IDE: variants seen among roughly 807,000 people sequenced by gnomAD.
IDE encodes insulin degrading enzyme, also known as insulin-degrading enzyme.
Under a neutral mutation model 133.2 loss-of-function variants are expected in IDE, and 58 were observed. The observed-to-expected ratio is 0.44, with a 90% CI of 0.35 to 0.54. The LOEUF is 0.54. IDE is among the 20% of genes least tolerant of loss of function. The probability of loss-of-function intolerance (pLI) is 0.00; values close to 1 mark genes in which losing one functional copy is unlikely to be tolerated. For missense variants in IDE, 981 were observed against 1,234.0 expected (o/e 0.79, Z 3.07); for synonymous variants, 396 against 421.3 (o/e 0.94, Z 0.73).
chr10:92,506,475 C>T lies in IDE; in HGVS notation c.1293G>A (p.Arg431=), dbSNP rs1280901961. Residue 431 remains arginine, a synonymous_variant, in exon 10 of 25, where the codon CGG becomes CGA. Transcript: ENST00000265986. ...TTCCTGCAATCTTAGATGTATAGCC[C>T]CGTGGCCTCTCTTTGTCTTTAAACC... ...AFRFKDKERP[R]GYTSKIAGIL... is the part of the protein sequence containing the mutation. The T allele has an allele frequency of 6.3e-7, 1 of 1,595,974 alleles. No individual in the cohort carries two copies. The highest frequency in any genetic ancestry group is 1.1e-5 in the South Asian group (1 of 90,052).
At chr10:92,523,699 CT>C (rs1190011958) in intron 4 of IDE, among the ~76,000 whole-genome samples, 1 of 131,720 alleles carries the variant, frequency 7.6e-6, no homozygotes, top group Non-Finnish European at 1.6e-5. Flanking sequence ...AAGACTCAGT[CT>C]TAAAAAAAAA....
intron 18 of IDE, 61 bp downstream of exon 18, chr10:92,470,193 C>T: frequency 1.8e-6 from 2 of 1,118,924 alleles, no homozygotes; most frequent in Non-Finnish European, 2.6e-6. Flanking sequence ...TTGAGAAAGA[C>T]TAGAGGGAAA....
chr10:92,573,288 G>GAGA, intron 1 of IDE: 1 of 553,296 alleles, frequency 1.8e-6, no homozygotes, highest in Non-Finnish European at 2.3e-6. Flanking sequence ...TCGGAGCTCC[G>GAGA]GTTGTCTCCG....
chr10:92,471,140 T>C (rs1845941972), intron 17 of IDE, among the ~76,000 whole-genome samples: 1 of 152,226 alleles, frequency 6.6e-6, no homozygotes, highest in African/African-American at 2.4e-5. Context: ...TTATTGCCTG[T>C]AGCAATTATT....
Position 92,531,808 on chromosome 10 carries a change from G to A in IDE, c.601C>T (p.Leu201Phe). The change falls in exon 4 of 25, where the codon CTC (leucine) becomes TTC (phenylalanine). Residue 201 changes from leucine (L) to phenylalanine (F), a missense_variant. Around this residue, in one of 2 missense-constraint regions of IDE, gnomAD observed 321 missense variants for 339.3 expected, o/e 0.95. Coordinates refer to ENST00000265986, the MANE Select transcript of IDE (RefSeq NM_004969.4). ...CCTGTAGCTTTTTCCAATTGAAAGA[G>A]TCTCCAGGCATCATTCATCACATTC... is the stretch of plus-strand genomic sequence containing the variant. ...EKNVMNDAWR[L>F]FQLEKATGNP... The A allele has an allele frequency of 6.2e-7, 1 of 1,607,656 alleles. No homozygotes were observed. The highest frequency in any genetic ancestry group is 8.5e-7 in the Non-Finnish European group (1 of 1,175,998).
intron 11 of IDE, among the ~76,000 whole-genome samples, chr10:92,502,541 G>C (rs1848079367): frequency 6.6e-6 from 1 of 152,040 alleles, no homozygotes. Flanking sequence ...TTTTTGAAGG[G>C]GAAAGTAGAT....
At chr10:92,498,121 G>A (rs1847815159) in intron 11 of IDE, among the ~76,000 whole-genome samples, 1 of 152,160 alleles carries the variant, frequency 6.6e-6, no homozygotes, top group Non-Finnish European at 1.5e-5. Context: ...CAGATGAGCA[G>A]GGTTCAAGGA....
At chr10:92,498,395 G>A (rs1188618504) in intron 11 of IDE, among the ~76,000 whole-genome samples, 1 of 144,474 alleles carries the variant, frequency 6.9e-6, no homozygotes, top group Non-Finnish European at 1.5e-5. Flanking sequence ...GGACGGGGTG[G>A]GTGGATCACT....
At chr10:92,525,566 C>T (rs545318460) in intron 4 of IDE, among the ~76,000 whole-genome samples, 2 of 152,184 alleles carry the variant, frequency 1.3e-5, no homozygotes, top group African/African-American at 4.8e-5. Flanking sequence ...ACATAAAGGG[C>T]ATCCAAAATG....
chr10:92,478,686 C>T lies in IDE; in HGVS notation c.1884+591G>A, dbSNP rs1846423269. The T allele has an allele frequency of 2.3e-6, 3 of 1,277,432 alleles. No homozygotes were observed. In the South Asian group the frequency reaches 3.8e-5, roughly 16 times the overall value. 79.1% of individuals were successfully genotyped at this position (1,277,432 alleles called of 1,614,324 possible). A position where few individuals can be genotyped will look rare whatever the true frequency, so the allele number is the denominator to read the frequency against. ...CCTGATGCAATGCCATAGCTCAAACCTGAGAGGCGTGCTGCATATGTATAC... is the reference window on the plus strand; with the variant it reads ...CCTGATGCAATGCCATAGCTCAAACTTGAGAGGCGTGCTGCATATGTATAC... On this transcript the variant is annotated intron_variant, in intron 15 of 24. Coordinates refer to ENST00000265986, the MANE Select transcript of IDE (RefSeq NM_004969.4).
At chr10:92,552,344 G>T (rs1842822746) in intron 1 of IDE, among the ~76,000 whole-genome samples, 1 of 152,132 alleles carries the variant, frequency 6.6e-6, no homozygotes, top group East Asian at 1.9e-4. Context: ...GTTGGAAAAA[G>T]ATGTTATAAA....
intron 4 of IDE, among the ~76,000 whole-genome samples, chr10:92,529,569 T>C (rs1217383307): frequency 3.9e-5 from 6 of 152,138 alleles, no homozygotes; most frequent in African/African-American, 9.7e-5. Flanking sequence ...AACCCTTCTA[T>C]AGAATATTTT....
intron 13 of IDE, among the ~76,000 whole-genome samples, chr10:92,484,644 A>C (rs1389897556): frequency 6.6e-6 from 1 of 151,450 alleles, no homozygotes; most frequent in African/African-American, 2.4e-5. Context: ...GAGGCATGAG[A>C]ATAGCTTGAA....
intron 4 of IDE, among the ~76,000 whole-genome samples, chr10:92,526,295 T>G (rs994952252): frequency 6.6e-6 from 1 of 152,088 alleles, no homozygotes; most frequent in Admixed American, 6.6e-5. Context: ...AAAATGTCCA[T>G]ACTATCCAAA....
chr10:92,541,365 G>C, intron 1 of IDE: 1 of 469,884 alleles, frequency 2.1e-6, no homozygotes, highest in Non-Finnish European at 4.4e-6. Flanking sequence ...TCAACAGCTT[G>C]CCTGTCTCTG....
At chr10:92,490,656 A>G (rs945486515) in intron 11 of IDE, 61 bp from the exon 12 acceptor site, 4 of 988,466 alleles carry the variant, frequency 4.0e-6, no homozygotes, top group Admixed American at 2.0e-5. Flanking sequence ...TATGAATTTA[A>G]AGAACCTGAC....
intron 4 of IDE, among the ~76,000 whole-genome samples, chr10:92,530,068 G>A (rs1849831427): frequency 6.6e-6 from 1 of 151,764 alleles, no homozygotes; most frequent in African/African-American, 2.4e-5. Flanking sequence ...TCTACTAAAA[G>A]TACACAAATT....
intron 4 of IDE, among the ~76,000 whole-genome samples, chr10:92,523,282 G>A (rs1324025017): frequency 6.6e-6 from 1 of 152,080 alleles, no homozygotes; most frequent in Non-Finnish European, 1.5e-5. Context: ...TTCAGAGGCT[G>A]AGGCAGGAGA....
chr10:92,475,044 TCTCTATAAACTG>T (rs1208228089), intron 16 of IDE, 83 bp from the exon 17 acceptor site: 1 of 1,091,572 alleles, frequency 9.2e-7, no homozygotes, highest in East Asian at 2.6e-5. Flanking sequence ...AAATTTCAAT[TCTCTATAAACTG>T]TATTACTAGG....
Sources: gnomAD v4.1 joint callset for allele counts (sites outside exome capture counted in the v4.1 genomes callset) on GRCh38, gnomAD v4.1.1 for gene constraint, gnomAD v4.1.1 regional missense constraint, MANE v1.5 for transcripts, NCBI Gene and HGNC (gene_info 2026-07-23, HGNC 2026-07-21) for gene names.